The following FAXC variants were observed in gnomAD, a reference collection of about 807,000 sequenced individuals.
FAXC encodes failed axon connections homolog.
FAXC carries 10 observed loss-of-function variants against 41.9 expected under a neutral mutation model. The observed-to-expected ratio is 0.24, with a 90% CI of 0.15 to 0.41. The LOEUF is 0.41. FAXC is among the 10% of genes least tolerant of loss of function. The probability of loss-of-function intolerance (pLI) is 1.00; values close to 1 mark genes in which losing one functional copy is unlikely to be tolerated. For synonymous variants in FAXC, 183 were observed against 183.8 expected, an observed-to-expected ratio of 1.00 and a Z score of 0.03; for missense variants, 399 against 510.9, an observed-to-expected ratio of 0.78 and a Z score of 2.11.
chr6:99,288,568 G>A (rs531928945), intron 5 of FAXC, among the ~76,000 whole-genome samples: 11 of 152,244 alleles, frequency 7.2e-5, no homozygotes, highest in South Asian at 2.1e-4. Context: ...TAAATGCCAC[G>A]AACCTCACCA....
At chr6:99,286,537 T>G (rs1405657388) in intron 5 of FAXC, among the ~76,000 whole-genome samples, 1 of 152,218 alleles carries the variant, frequency 6.6e-6, no homozygotes, top group Non-Finnish European at 1.5e-5. Context: ...TGGTGAAAGT[T>G]GCTGAATGAG....
intron 4 of FAXC, among the ~76,000 whole-genome samples, chr6:99,317,091 T>C (rs1419453019): frequency 6.6e-6 from 1 of 150,934 alleles, no homozygotes; most frequent in Non-Finnish European, 1.5e-5. Context: ...CAAGCCATTT[T>C]CTGACTCAAT....
At chr6:99,340,009 A>C (rs1010259012) in intron 2 of FAXC, among the ~76,000 whole-genome samples, 8 of 152,340 alleles carry the variant, frequency 5.3e-5, no homozygotes, top group Non-Finnish European at 1.0e-4. Context: ...ACCCACACCA[A>C]CACATGCCAT....
chr6:99,340,538 G>C (rs1773386919), intron 2 of FAXC, among the ~76,000 whole-genome samples: 1 of 151,982 alleles, frequency 6.6e-6, no homozygotes, highest in African/African-American at 2.4e-5. Context: ...TATTCATCAG[G>C]GAAGTTCTCA....
Position 99,272,172 on chromosome 6 carries a change from G to GTT in FAXC, c.*8991_*8992insAA, listed in dbSNP as rs2128443226. 6.9e-6 allele frequency: 1 copy of GTT among 144,018 alleles called. No individual in the cohort carries two copies. The highest frequency in any genetic ancestry group is 2.1e-4 in the East Asian group (1 of 4,828). The allele number at this position is 144,018 out of a possible 1,614,324, so 8.9% of individuals were successfully genotyped here. A position where few individuals can be genotyped will look rare whatever the true frequency, so the allele number is the denominator to read the frequency against. ...TGTGTGTGTGTGTGTGTGTGTGTGT[G>GTT]TGTGTGTGTGTGTGTGTGTTTGAGA... is the stretch of plus-strand genomic sequence containing the variant. On this transcript the variant is annotated 3_prime_UTR_variant, in exon 6 of 6. Transcript: ENST00000389677.
intron 5 of FAXC, among the ~76,000 whole-genome samples, chr6:99,290,428 G>A (rs1023517315): frequency 7.2e-5 from 11 of 152,062 alleles, no homozygotes; most frequent in South Asian, 4.1e-4. Context: ...GCGGCCGGGC[G>A]TGGTGGCTCA....
At chr6:99,288,564 C>T (rs545850943) in intron 5 of FAXC, among the ~76,000 whole-genome samples, 1 of 152,246 alleles carries the variant, frequency 6.6e-6, no homozygotes, top group Non-Finnish European at 1.5e-5. Flanking sequence ...ATTTTAAATG[C>T]CACGAACCTC....
At chr6:99,289,311 C>T (rs966085623) in intron 5 of FAXC, among the ~76,000 whole-genome samples, 1 of 152,054 alleles carries the variant, frequency 6.6e-6, no homozygotes, top group Non-Finnish European at 1.5e-5. Context: ...AGATGCTCCT[C>T]GACTTACGTG....
At chr6:99,343,677 G>C (rs1773499194) in intron 1 of FAXC, among the ~76,000 whole-genome samples, 1 of 152,102 alleles carries the variant, frequency 6.6e-6, no homozygotes, top group Non-Finnish European at 1.5e-5. Flanking sequence ...ATAAGACCCA[G>C]GAATAACAGT....
intron 5 of FAXC, among the ~76,000 whole-genome samples, chr6:99,285,731 T>C (rs747319177): frequency 1.3e-5 from 2 of 152,204 alleles, no homozygotes; most frequent in Non-Finnish European, 2.9e-5. Flanking sequence ...AGGATATTTA[T>C]CAGAAAGCCG....
intron 5 of FAXC, among the ~76,000 whole-genome samples, chr6:99,283,115 T>C (rs1770898388): frequency 6.6e-6 from 1 of 152,190 alleles, no homozygotes; most frequent in African/African-American, 2.4e-5. Context: ...ATATTAATGG[T>C]TCTGTTGATT....
rs373740112 is a variant in FAXC at position 99,308,845 on chromosome 6, G to C, written c.823+14599C>G. Among the ~76,000 whole-genome samples, 3 of 152,152 alleles carry C rather than the reference G, an allele frequency of 2.0e-5. No individual in the cohort carries two copies. In the East Asian group the frequency reaches 5.8e-4, roughly 29 times the overall value. ...GAAATAGTTACTGAGTTAGGTGACA[G>C]AATAATGAAAGATAACTACTTTTTT... On this transcript the variant is annotated intron_variant, in intron 4 of 5. Transcript: ENST00000389677.
rs1770566053 is a variant in FAXC, at chr6:99,275,428, ATTAT to A, written c.*5732_*5735del. 6.6e-6 allele frequency: 1 copy of A among 152,142 alleles called. No individual in the cohort carries two copies. The highest frequency in any genetic ancestry group is 6.5e-5 in the Admixed American group (1 of 15,268). The allele number at this position is 152,142 out of a possible 1,614,324, so 9.4% of individuals were successfully genotyped here. A position where few individuals can be genotyped will look rare whatever the true frequency, so the allele number is the denominator to read the frequency against. ...ACCATATCTGTAGGTTATTCGTTTTATTATTGCAATGGTCCCCTTTATTTGTCTA... is the reference window on the plus strand; with the variant it reads ...ACCATATCTGTAGGTTATTCGTTTTATGCAATGGTCCCCTTTATTTGTCTA... On this transcript the variant is annotated 3_prime_UTR_variant, in exon 6 of 6. Coordinates refer to ENST00000389677, the MANE Select transcript of FAXC (RefSeq NM_032511.4).
At position 99,349,136 on chromosome 6, in the gene FAXC, C is replaced by T. The variant is rs367561099; in HGVS notation, c.237G>A (p.Ala79=). ...TGACCAGGAGTTCGTGGAGCAGATA[C>T]GCAGCTGCGGCCAGCAAAGCTCCCC... ...LTGGALLAAA[A]YLLHELLVIR... The change falls in exon 1 of 6, where the codon GCG becomes GCA. Residue 79 remains alanine, a synonymous_variant. Transcript: ENST00000389677. The T allele has an allele frequency of 5.5e-5, 89 of 1,613,568 alleles. 2 individuals are homozygous for T. The South Asian group carries it at 8.1e-4, about 15-fold the overall frequency.
intron 4 of FAXC, among the ~76,000 whole-genome samples, chr6:99,303,950 C>G (rs1771814612): frequency 6.6e-6 from 1 of 152,130 alleles, no homozygotes. Flanking sequence ...CAATCCTGAG[C>G]TTTTATTAAG....
intron 1 of FAXC, among the ~76,000 whole-genome samples, chr6:99,346,760 G>A (rs1290697208): frequency 6.6e-6 from 1 of 152,120 alleles, no homozygotes; most frequent in African/African-American, 2.4e-5. Context: ...TTTGAATCTA[G>A]ATCCTACTAC....
chr6:99,311,500 G>A (rs528834022), intron 4 of FAXC, among the ~76,000 whole-genome samples: 1 of 152,246 alleles, frequency 6.6e-6, no homozygotes, highest in South Asian at 2.1e-4. Context: ...GCTTGAACTT[G>A]GGAGGTGGAG....
chr6:99,325,980 G>A lies in FAXC; in HGVS notation c.600-2313C>T, dbSNP rs537478228. 1.1e-4 allele frequency among the ~76,000 whole-genome samples: 17 copies of A among 152,328 alleles called. No individual in the cohort carries two copies. The East Asian group carries it at 2.3e-3, about 21-fold the overall frequency. On this transcript the variant is annotated intron_variant, in intron 3 of 5. Transcript: ENST00000389677. ...GGCAGAGCAGAGGGTGAAGGTGTACGCATGAAGAGCATCAGCTGCCTGACG... is the reference window on the plus strand; with the variant it reads ...GGCAGAGCAGAGGGTGAAGGTGTACACATGAAGAGCATCAGCTGCCTGACG...
chr6:99,293,918 T>C (rs2128450881), intron 4 of FAXC, among the ~76,000 whole-genome samples: 1 of 152,146 alleles, frequency 6.6e-6, no homozygotes, highest in East Asian at 1.9e-4. Flanking sequence ...GAGTATCTGA[T>C]GACAATGCAC....
Sources: gnomAD v4.1 joint callset for allele counts (sites outside exome capture counted in the v4.1 genomes callset) on GRCh38, gnomAD v4.1.1 for gene constraint, MANE v1.5 for transcripts, NCBI Gene and HGNC (gene_info 2026-07-23, HGNC 2026-07-21) for gene names.